The following NKAIN3 variants were observed in gnomAD, a reference collection of about 807,000 sequenced individuals.
NKAIN3 encodes sodium/potassium-transporting ATPase subunit beta-1-interacting protein 3.
Under a neutral mutation model 30.2 loss-of-function variants are expected in NKAIN3, and 25 were observed. The observed-to-expected ratio is 0.83, with a 90% confidence interval of 0.60 to 1.16. The LOEUF is 1.16. Among genes scored for constraint, NKAIN3 ranks in the 50% most tolerant of loss-of-function variants. The pLI is 0.00. For synonymous variants in NKAIN3, 91 were observed against 89.6 expected (o/e 1.02, Z -0.09); for missense variants, 225 against 254.1 (o/e 0.89, Z 0.78).
intron 3 of NKAIN3, among the ~76,000 whole-genome samples, chr8:62,613,822 A>G (rs1811363588): frequency 6.6e-6 from 1 of 152,118 alleles, no homozygotes; most frequent in South Asian, 2.1e-4. Flanking sequence ...ATTCTTTGAT[A>G]TACCAATTGC....
At chr8:62,549,697 C>A (rs1034977948) in intron 1 of NKAIN3, among the ~76,000 whole-genome samples, 5 of 151,870 alleles carry the variant, frequency 3.3e-5, no homozygotes, top group Admixed American at 2.0e-4. Flanking sequence ...CTTTTCCCTG[C>A]CAGTTTTTCT....
Position 62,948,478 on chromosome 8 carries a change from G to A in NKAIN3, c.533-5424G>A, listed in dbSNP as rs140853738. Among the ~76,000 whole-genome samples, 199 of 152,228 alleles carry A rather than the reference G, an allele frequency of 1.3e-3. 1 individual carries two copies. The East Asian group carries it at 0.02, about 15-fold the overall frequency. ...CTCCCAAAGTGCTGGGATTACAGGCGTGAGCCACCGCACCTGGCCAGTATT... is the reference window on the plus strand; with the variant it reads ...CTCCCAAAGTGCTGGGATTACAGGCATGAGCCACCGCACCTGGCCAGTATT... On this transcript the variant is annotated intron_variant, in intron 5 of 6. Transcript: ENST00000623646.
intron 1 of NKAIN3, chr8:62,473,422 T>C (rs1806419504): frequency 6.6e-6 from 1 of 152,164 alleles, no homozygotes; most frequent in Non-Finnish European, 1.5e-5. Context: ...AAAGGAAGAC[T>C]GTAAAAACCT....
At chr8:62,773,440 T>C (rs1817087215) in intron 4 of NKAIN3, among the ~76,000 whole-genome samples, 1 of 152,136 alleles carries the variant, frequency 6.6e-6, no homozygotes, top group Non-Finnish European at 1.5e-5. Context: ...GCCAGTACCA[T>C]GTTGTTTTGG....
intron 1 of NKAIN3, among the ~76,000 whole-genome samples, chr8:62,375,440 G>A (rs1239099898): frequency 6.6e-6 from 1 of 152,188 alleles, no homozygotes; most frequent in Admixed American, 6.5e-5. Flanking sequence ...TGCTGTGCTG[G>A]AGGGAGAGCT....
rs75926848 is a variant in NKAIN3, at chr8:62,905,042, G to T, written c.472-13411G>T. 9.5e-3 allele frequency among the ~76,000 whole-genome samples: 1,449 copies of T among 152,194 alleles called. 22 individuals are homozygous for T. Among genetic ancestry groups the T allele is most frequent in the African/African-American group, 0.034 (1,406 of 41,530 alleles). Reference sequence around the variant, plus strand: ...GAAGATAACGAATGGACACAATGCTGTGATACAAAGCAGTACCTTGAAGCT... The same window carrying T: ...GAAGATAACGAATGGACACAATGCTTTGATACAAAGCAGTACCTTGAAGCT... On this transcript the variant is annotated intron_variant, in intron 4 of 6. Transcript: ENST00000623646.
chr8:62,684,127 C>T lies in NKAIN3; in HGVS notation c.274-62805C>T, dbSNP rs148267270. 3.3e-3 allele frequency among the ~76,000 whole-genome samples: 498 copies of T among 152,208 alleles called. 4 individuals are homozygous for T. The highest frequency in any genetic ancestry group is 0.012 in the African/African-American group (483 of 41,514). On this transcript the variant is annotated intron_variant, in intron 3 of 6. Coordinates refer to ENST00000623646, the MANE Select transcript of NKAIN3 (RefSeq NM_001304533.3). ...GTCCACAGGCCTGTTCAGACTCCAC[C>T]TTACATATTAGAAACTGGAAACCCA...
chr8:62,266,405 C>T (rs527287400), intron 1 of NKAIN3, among the ~76,000 whole-genome samples: 8 of 152,162 alleles, frequency 5.3e-5, no homozygotes, highest in African/African-American at 1.9e-4. Flanking sequence ...CATATGCATG[C>T]CTTCTTATTA....
At chr8:62,906,119 C>T (rs1032636595) in intron 4 of NKAIN3, among the ~76,000 whole-genome samples, 6 of 152,126 alleles carry the variant, frequency 3.9e-5, no homozygotes, top group African/African-American at 1.4e-4. Flanking sequence ...GCCCAAGAGG[C>T]ATGATAAATG....
At position 62,302,773 on chromosome 8, in the gene NKAIN3, A is replaced by G. The variant is rs113922714; in HGVS notation, c.54+53646A>G. 2.1e-3 allele frequency among the ~76,000 whole-genome samples: 318 copies of G among 152,216 alleles called. 2 individuals carry two copies. The highest frequency in any genetic ancestry group is 2.8e-3 in the Non-Finnish European group (188 of 67,982). On this transcript the variant is annotated intron_variant, in intron 1 of 6. Transcript: ENST00000623646. The stretch of plus-strand genomic sequence containing the variant: ...TTTTCTTCTTAGTAAACAAAAGCAT[A>G]AGGGAAAAATAGAATGATAGGGCTT...
intron 4 of NKAIN3, among the ~76,000 whole-genome samples, chr8:62,777,107 T>G (rs2130646266): frequency 1.3e-5 from 2 of 152,298 alleles, no homozygotes; most frequent in Middle Eastern, 6.8e-3. Context: ...TGTTTTCTTT[T>G]GCTGCTTTTA....
At chr8:62,417,960 G>A (rs1029513026) in intron 1 of NKAIN3, among the ~76,000 whole-genome samples, 1 of 152,178 alleles carries the variant, frequency 6.6e-6, no homozygotes, top group Non-Finnish European at 1.5e-5. Context: ...GAGTGAAGGA[G>A]AGAAGTGAGA....
downstream of NKAIN3, chr8:62,984,941 T>A (rs1257824353): frequency 1.3e-5 from 2 of 152,200 alleles, no homozygotes; most frequent in African/African-American, 4.8e-5. Flanking sequence ...CTCACTATAT[T>A]ATATATTTAT....
rs75733779 is a variant in NKAIN3 at position 62,667,964 on chromosome 8, C to T, written c.273+78170C>T. On this transcript the variant is annotated intron_variant, in intron 3 of 6. Transcript: ENST00000623646. ...TTCCTGCCTCAGGGTTTTACAGTTG[C>T]CATTCCTTCTGCCCCCGCATCTCCT... Among the ~76,000 whole-genome samples the T allele has an allele frequency of 3.1e-3, 472 of 152,246 alleles. 7 individuals carry two copies. The highest frequency in any genetic ancestry group is 0.01 in the African/African-American group (433 of 41,534).
At chr8:62,646,850 T>C (rs1247888917) in intron 3 of NKAIN3, among the ~76,000 whole-genome samples, 1 of 151,856 alleles carries the variant, frequency 6.6e-6, no homozygotes, top group Non-Finnish European at 1.5e-5. Context: ...AATCACAAAA[T>C]AAAAACTCCA....
At chr8:62,861,011 G>T (rs1312573755) in intron 4 of NKAIN3, among the ~76,000 whole-genome samples, 1 of 152,176 alleles carries the variant, frequency 6.6e-6, no homozygotes, top group African/African-American at 2.4e-5. Flanking sequence ...GACTTAACAT[G>T]CTTGACAACT....
intron 3 of NKAIN3, among the ~76,000 whole-genome samples, chr8:62,707,052 T>TAC (rs1219559233): frequency 1.2e-4 from 12 of 99,266 alleles, no homozygotes; most frequent in East Asian, 2.7e-4. Context: ...CCATCATACA[T>TAC]ACATACACAC....
chr8:62,982,776 C>T lies in NKAIN3; in HGVS notation c.*17369C>T, dbSNP rs1824115610. ...AGGAATATTTCACAGAAAAGAGAAGCATTTATAGCAAGCATGGGTGTGGCA... is the reference window on the plus strand; with the variant it reads ...AGGAATATTTCACAGAAAAGAGAAGTATTTATAGCAAGCATGGGTGTGGCA... On this transcript the variant is annotated 3_prime_UTR_variant, in exon 7 of 7. Coordinates refer to ENST00000623646, the MANE Select transcript of NKAIN3 (RefSeq NM_001304533.3). The T allele has an allele frequency of 6.6e-6, 1 of 151,984 alleles. No individual in the cohort carries two copies. Among genetic ancestry groups the T allele is most frequent in the African/African-American group, 2.4e-5 (1 of 41,382 alleles). 9.4% of individuals were successfully genotyped at this position (151,984 alleles called of 1,614,324 possible).
chr8:62,848,656 T>C (rs146786814), intron 4 of NKAIN3, among the ~76,000 whole-genome samples: 1,631 of 152,282 alleles, frequency 0.011, 29 homozygotes, highest in African/African-American at 0.038. Flanking sequence ...GAATCCTCTT[T>C]ATTTCTTTCT....
Sources: gnomAD v4.1 joint callset for allele counts (sites outside exome capture counted in the v4.1 genomes callset) on GRCh38, gnomAD v4.1.1 for gene constraint, MANE v1.5 for transcripts, NCBI Gene and HGNC (gene_info 2026-07-23, HGNC 2026-07-21) for gene names.